The following PDE7A variants were observed in gnomAD, a reference collection of about 807,000 sequenced individuals.
PDE7A encodes the protein high affinity 3',5'-cyclic-AMP phosphodiesterase 7A.
In PDE7A, 39 loss-of-function variants were observed where a neutral mutation model predicts 64.3. The observed-to-expected ratio is 0.61, with a 90% CI of 0.47 to 0.79. The LOEUF (loss-of-function observed/expected upper bound fraction) is 0.79. Ranked by LOEUF, PDE7A falls within the 30% of genes least tolerant of loss-of-function variation. The pLI is 0.00. For missense variants in PDE7A, 470 were observed against 582.8 expected, an observed-to-expected ratio of 0.81 and a Z score of 1.99; for synonymous variants, 203 against 206.8, an observed-to-expected ratio of 0.98 and a Z score of 0.16.
intron 3 of PDE7A, among the ~76,000 whole-genome samples, chr8:65,753,754 C>G (rs2128909826): frequency 6.6e-6 from 1 of 152,230 alleles, no homozygotes; most frequent in African/African-American, 2.4e-5. Flanking sequence ...TTGTCTCTCT[C>G]TTAAATTCTG....
At chr8:65,743,519 G>GATC (rs1034124240) in intron 5 of PDE7A, among the ~76,000 whole-genome samples, 2 of 152,138 alleles carry the variant, frequency 1.3e-5, no homozygotes, top group Admixed American at 6.5e-5. Context: ...TTTTGCCTAG[G>GATC]ATCAGTCCAG....
In PDE7A at chr8:65,802,181, G is replaced by A. The variant is rs116138565; in HGVS notation, c.139-19338C>T. Among the ~76,000 whole-genome samples the A allele has an allele frequency of 5.9e-3, 892 of 152,260 alleles. 9 individuals carry two copies. The highest frequency in any genetic ancestry group is 0.02 in the African/African-American group (843 of 41,540). ...GGTTGCCAGAGGCTGGGGAGAGCAG[G>A]GAATAGCAAGTTATTGTTTAAGGGG... is the stretch of plus-strand genomic sequence containing the variant. On this transcript the variant is annotated intron_variant, in intron 1 of 12. Transcript: ENST00000401827.
intron 3 of PDE7A, among the ~76,000 whole-genome samples, chr8:65,750,353 A>G (rs1807877310): frequency 6.6e-6 from 1 of 152,194 alleles, no homozygotes; most frequent in Non-Finnish European, 1.5e-5. Flanking sequence ...CCACTTCATG[A>G]GCATTCCCTC....
intron 3 of PDE7A, among the ~76,000 whole-genome samples, chr8:65,759,681 T>C (rs1808402238): frequency 6.6e-6 from 1 of 152,176 alleles, no homozygotes; most frequent in Non-Finnish European, 1.5e-5. Flanking sequence ...TACTCTGTCA[T>C]TTTGAATGGC....
intron 3 of PDE7A, among the ~76,000 whole-genome samples, chr8:65,762,991 A>ATGTGTGTG (rs34371328): frequency 3.5e-4 from 48 of 138,614 alleles, no homozygotes; most frequent in Middle Eastern, 3.5e-3. Flanking sequence ...TATAAAAACA[A>ATGTGTGTG]TGTGTGTGTG....
chr8:65,795,973 A>G (rs1809831463), intron 1 of PDE7A, among the ~76,000 whole-genome samples: 1 of 152,088 alleles, frequency 6.6e-6, no homozygotes. Context: ...AAAAAAATGG[A>G]TCATCTATAG....
chr8:65,821,838 TTAAA>T (rs1255378465), intron 1 of PDE7A, among the ~76,000 whole-genome samples: 1 of 152,248 alleles, frequency 6.6e-6, no homozygotes, highest in East Asian at 1.9e-4. Flanking sequence ...ATACAGTGAG[TTAAA>T]TAAAATTATT....
intron 1 of PDE7A, among the ~76,000 whole-genome samples, chr8:65,788,653 A>T (rs1809623082): frequency 6.6e-6 from 1 of 152,182 alleles, no homozygotes; most frequent in African/African-American, 2.4e-5. Context: ...TGCTGCTTTG[A>T]TACTGAGGAA....
At position 65,802,756 on chromosome 8, in the gene PDE7A, T is replaced by TAG. The variant is rs578226455; in HGVS notation, c.139-19915_139-19914dup. 1.8e-3 allele frequency among the ~76,000 whole-genome samples: 270 copies of TAG among 152,348 alleles called. 1 individual carries two copies. Among genetic ancestry groups the TAG allele is most frequent in the Non-Finnish European group, 2.6e-3 (175 of 68,020 alleles). The stretch of plus-strand genomic sequence containing the variant: ...TCATCTCTCTTTAACTAGTATGATA[T>TAG]AGTTCGGATATTTGTCCCTGCCCAA... On this transcript the variant is annotated intron_variant, in intron 1 of 12. Coordinates refer to ENST00000401827, the MANE Select transcript of PDE7A (RefSeq NM_001242318.3).
At chr8:65,827,088 G>C (rs897180220) in intron 1 of PDE7A, among the ~76,000 whole-genome samples, 3 of 152,168 alleles carry the variant, frequency 2.0e-5, no homozygotes, top group African/African-American at 7.2e-5. Flanking sequence ...GTCACATTCT[G>C]AGATTCCTGG....
rs550259405 is a variant in PDE7A, at chr8:65,735,011, C to T, written c.596-117G>A. 1.5e-5 allele frequency: 10 copies of T among 671,540 alleles called. 1 individual carries two copies. Among genetic ancestry groups the T allele is most frequent in the South Asian group, 7.1e-5 (4 of 56,214 alleles). The allele number at this position is 671,540 out of a possible 1,614,324, so 41.6% of individuals were successfully genotyped here. A position where few individuals can be genotyped will look rare whatever the true frequency, so the allele number is the denominator to read the frequency against. On this transcript the variant is annotated intron_variant, in intron 6 of 12. Transcript: ENST00000401827. ...TTTTCATGTAGCTATCGGCTAAAAT[C>T]GTGCCGATTCGGGCAGATGATAATC...
chr8:65,835,617 AAGAAG>A (rs1401120512), intron 1 of PDE7A, among the ~76,000 whole-genome samples: 4 of 152,198 alleles, frequency 2.6e-5, no homozygotes, highest in East Asian at 3.8e-4. Context: ...GGGAAGAGAA[AAGAAG>A]AGAAGAGTTG....
At position 65,716,230 on chromosome 8, in the gene PDE7A, A is replaced by G. The variant is rs141116261; in HGVS notation, c.*3060T>C. ...AACAACTTTTCAATGGGTTTATTAT[A>G]TGTGTAGGCAGGAAATGGGAGCCAC... On this transcript the variant is annotated 3_prime_UTR_variant, in exon 13 of 13. Transcript: ENST00000401827. Among the ~76,000 whole-genome samples the G allele has an allele frequency of 6.6e-6, 1 of 152,108 alleles. No homozygotes were observed. The highest frequency in any genetic ancestry group is 2.4e-5 in the African/African-American group (1 of 41,518).
At chr8:65,762,864 T>C (rs917270147) in intron 3 of PDE7A, among the ~76,000 whole-genome samples, 1 of 152,146 alleles carries the variant, frequency 6.6e-6, no homozygotes, top group African/African-American at 2.4e-5. Context: ...TGGCCAAGTA[T>C]GGTGGCTCAA....
intron 1 of PDE7A, among the ~76,000 whole-genome samples, chr8:65,825,434 A>G (rs1810646905): frequency 6.6e-6 from 1 of 152,234 alleles, no homozygotes; most frequent in Non-Finnish European, 1.5e-5. Context: ...CCAGCATAGC[A>G]GAGGAGCTTT....
Position 65,779,611 on chromosome 8 carries a change from A to G in PDE7A, c.283+109T>C, listed in dbSNP as rs2128923706. 3 of 613,326 alleles carry G rather than the reference A, an allele frequency of 4.9e-6. No individual in the cohort carries two copies. In the East Asian group the frequency reaches 8.5e-5, roughly 17 times the overall value. The allele number at this position is 613,326 out of a possible 1,614,324, so 38.0% of individuals were successfully genotyped here. On this transcript the variant is annotated intron_variant, in intron 3 of 12. Coordinates refer to ENST00000401827, the MANE Select transcript of PDE7A (RefSeq NM_001242318.3). The stretch of plus-strand genomic sequence containing the variant: ...ATGACCTAGGTTTTAAAAACATTCC[A>G]AACATAATAGAGTTTTTTTTCTGGT...
At chr8:65,721,884 CTGCAA>C (rs1806394178) in intron 12 of PDE7A, 2 of 148,092 alleles carry the variant, frequency 1.4e-5, no homozygotes, top group African/African-American at 5.0e-5. Flanking sequence ...TATTGGCTCA[CTGCAA>C]CCTCTGCCTC....
At chr8:65,784,874 T>C (rs554132892) in intron 1 of PDE7A, among the ~76,000 whole-genome samples, 127 of 152,188 alleles carry the variant, frequency 8.3e-4, no homozygotes, top group African/African-American at 3.0e-3. Flanking sequence ...GAAATACATA[T>C]TAAAGCAATG....
intron 1 of PDE7A, among the ~76,000 whole-genome samples, chr8:65,799,940 CCTT>C (rs970021122): frequency 1.2e-4 from 18 of 152,166 alleles, no homozygotes; most frequent in African/African-American, 4.1e-4. Flanking sequence ...GCAGGGACTC[CCTT>C]TTTTAGGGAC....
Sources: allele counts gnomAD v4.1 joint callset (sites outside exome capture counted in the v4.1 genomes callset), GRCh38; gene constraint gnomAD v4.1.1; transcripts MANE v1.5; gene names NCBI Gene and HGNC (gene_info 2026-07-23, HGNC 2026-07-21).